Variants in KIF16B observed in about 807,000 individuals in gnomAD.
KIF16B encodes the protein kinesin-like protein KIF16B.
KIF16B carries 98 observed loss-of-function variants against 156.3 expected under a neutral mutation model. The observed-to-expected ratio is 0.63, with a 90% CI of 0.53 to 0.74. The LOEUF is 0.74. Among genes scored for constraint, KIF16B ranks in the 30% least tolerant of loss-of-function variants. The pLI, the probability that KIF16B is intolerant of heterozygous loss-of-function variation, is 0.00. For missense variants in KIF16B, 1,421 were observed against 1,606.5 expected, an observed-to-expected ratio of 0.88 and a Z score of 1.97; for synonymous variants, 564 against 583.7, an observed-to-expected ratio of 0.97 and a Z score of 0.49.
At chr20:16,525,798 C>G (rs1253804216) in intron 3 of KIF16B, among the ~76,000 whole-genome samples, 1 of 152,134 alleles carries the variant, frequency 6.6e-6, no homozygotes. Context: ...GAAATGCTTT[C>G]TATGTAGAGC....
chr20:16,520,027 A>G (rs1418751474), intron 3 of KIF16B, among the ~76,000 whole-genome samples: 2 of 152,168 alleles, frequency 1.3e-5, no homozygotes, highest in Non-Finnish European at 2.9e-5. Flanking sequence ...CGCAACTCGC[A>G]GACCAGGAGA....
rs1161037967 is a variant in KIF16B at position 16,273,352 on chromosome 20, G to C, written c.3855C>G (p.Ile1285Met). 1.2e-6 allele frequency: 2 copies of C among 1,613,560 alleles called. No individual in the cohort carries two copies. Among genetic ancestry groups the C allele is most frequent in the Non-Finnish European group, 1.7e-6 (2 of 1,179,474 alleles). The change falls in exon 26 of 26, where the codon ATC becomes ATG. Residue 1285 changes from isoleucine (I) to methionine (M), a missense_variant. Physicochemically the swap from Ile to Met is conservative, Grantham distance 10 (BLOSUM62 1). Coordinates refer to ENST00000354981, the MANE Select transcript of KIF16B (RefSeq NM_024704.5). ...MLQSATSPLH[I>M]NKVGLTLSKH... The stretch of plus-strand genomic sequence containing the variant: ...TCGAGAGAGTCAGTCCCACTTTGTT[G>C]ATGTGGAGGGGAGATGTTGCGGACT...
At chr20:16,344,414 T>C (rs2064194039) in intron 23 of KIF16B, among the ~76,000 whole-genome samples, 1 of 152,214 alleles carries the variant, frequency 6.6e-6, no homozygotes, top group African/African-American at 2.4e-5. Context: ...TCTGTGGGCA[T>C]GCACACCCCA....
At position 16,510,522 on chromosome 20, in the gene KIF16B, C is replaced by T. The variant is rs577142642; in HGVS notation, c.556+896G>A. On this transcript the variant is annotated intron_variant, in intron 6 of 25. Coordinates refer to ENST00000354981, the MANE Select transcript of KIF16B (RefSeq NM_024704.5). ...AAAATTAGCCAGGTGTGGTGGCAGGCGCCTGTAATCCCTGCTACTGGGGAG... is the reference window on the plus strand; with the variant it reads ...AAAATTAGCCAGGTGTGGTGGCAGGTGCCTGTAATCCCTGCTACTGGGGAG... Among the ~76,000 whole-genome samples the T allele has an allele frequency of 8.5e-5, 13 of 152,146 alleles. No homozygotes were observed. The South Asian group carries it at 1.5e-3, about 17-fold the overall frequency.
At chr20:16,293,279 T>A (rs984374215) in intron 25 of KIF16B, among the ~76,000 whole-genome samples, 1 of 152,180 alleles carries the variant, frequency 6.6e-6, no homozygotes, top group Non-Finnish European at 1.5e-5. Flanking sequence ...GAAGGCCCTA[T>A]AAAGGCTGCT....
intron 17 of KIF16B, among the ~76,000 whole-genome samples, chr20:16,394,679 T>C (rs910930530): frequency 6.6e-6 from 1 of 151,480 alleles, no homozygotes; most frequent in Non-Finnish European, 1.5e-5. Flanking sequence ...ACCAGCAACA[T>C]AAATACTGCC....
chr20:16,463,280 C>T (rs1286738019), intron 12 of KIF16B, among the ~76,000 whole-genome samples: 1 of 152,164 alleles, frequency 6.6e-6, no homozygotes, highest in Admixed American at 6.5e-5. Context: ...CAATGAACCT[C>T]AGGTATTTCC....
In KIF16B at chr20:16,504,370, A is replaced by G. The variant is rs749346335; in HGVS notation, c.1176+2T>C. 3.2e-5 allele frequency: 52 copies of G among 1,613,392 alleles called. No individual in the cohort carries two copies. Among genetic ancestry groups the G allele is most frequent in the Admixed American group, 1.5e-4 (9 of 59,944 alleles). Reference sequence around the variant, plus strand: ...TATCCATAAATCTCAGAAAAACCCAACCTGATTCCCTTGAGCAAGCAGCGT... The same window carrying G: ...TATCCATAAATCTCAGAAAAACCCAGCCTGATTCCCTTGAGCAAGCAGCGT... On this transcript the variant is annotated splice_donor_variant, in intron 10 of 25. Coordinates refer to ENST00000354981, the MANE Select transcript of KIF16B (RefSeq NM_024704.5). LOFTEE classifies it high-confidence loss of function.
chr20:16,540,385 T>C lies in KIF16B; in HGVS notation c.48-11945A>G, dbSNP rs553330545. 5.3e-5 allele frequency among the ~76,000 whole-genome samples: 8 copies of C among 152,320 alleles called. No individual in the cohort carries two copies. The East Asian group carries it at 1.5e-3, about 29-fold the overall frequency. On this transcript the variant is annotated intron_variant, in intron 1 of 25. Transcript: ENST00000354981. ...CATTTTAGCAAGATTTGATATTCCT[T>C]CTACAGTTAAAATAAATTTAGTTAA...
intron 3 of KIF16B, among the ~76,000 whole-genome samples, chr20:16,517,095 C>T (rs1027760961): frequency 1.1e-4 from 16 of 152,306 alleles, no homozygotes; most frequent in African/African-American, 3.8e-4. Context: ...TCCATCTCAG[C>T]TGCACCTCAA....
At chr20:16,524,569 C>A (rs1421031928) in intron 3 of KIF16B, among the ~76,000 whole-genome samples, 1 of 152,160 alleles carries the variant, frequency 6.6e-6, no homozygotes, top group African/African-American at 2.4e-5. Context: ...CGCTTTTACA[C>A]TGTTAGTGGG....
chr20:16,290,187 T>C (rs2063293245), intron 25 of KIF16B, among the ~76,000 whole-genome samples: 1 of 152,228 alleles, frequency 6.6e-6, no homozygotes, highest in African/African-American at 2.4e-5. Context: ...TGCTGTGTGG[T>C]ACCTCTTGGC....
chr20:16,548,340 AG>A (rs1232677096), intron 1 of KIF16B, among the ~76,000 whole-genome samples: 5 of 151,924 alleles, frequency 3.3e-5, no homozygotes, highest in Admixed American at 3.3e-4. Flanking sequence ...CAGCACTACC[AG>A]CCCAGGCTGC....
At chr20:16,385,436 A>G (rs2065206810) in intron 17 of KIF16B, among the ~76,000 whole-genome samples, 1 of 152,156 alleles carries the variant, frequency 6.6e-6, no homozygotes, top group Non-Finnish European at 1.5e-5. Context: ...GGCAGAACAT[A>G]ACTACAAAGA....
chr20:16,403,206 A>G (rs570691702), intron 17 of KIF16B, among the ~76,000 whole-genome samples: 5 of 152,380 alleles, frequency 3.3e-5, no homozygotes, highest in Admixed American at 2.6e-4. Context: ...AGCACTCTTC[A>G]TATCACAGAC....
intron 24 of KIF16B, among the ~76,000 whole-genome samples, chr20:16,329,633 C>T (rs567326812): frequency 6.6e-6 from 1 of 152,204 alleles, no homozygotes; most frequent in South Asian, 2.1e-4. Context: ...AACTGGAAAA[C>T]ACAGGTTTAA....
At chr20:16,498,187 A>C (rs1056125909) in intron 10 of KIF16B, among the ~76,000 whole-genome samples, 17 of 152,110 alleles carry the variant, frequency 1.1e-4, no homozygotes. Flanking sequence ...AAGAAGTGTA[A>C]AGATTGATGT....
At chr20:16,506,492 A>C (rs1175214135) in intron 7 of KIF16B, among the ~76,000 whole-genome samples, 2 of 152,196 alleles carry the variant, frequency 1.3e-5, no homozygotes, top group Non-Finnish European at 2.9e-5. Flanking sequence ...TCAGCAGAGA[A>C]ATGTAAGTAA....
rs566856296 is a variant in KIF16B at position 16,401,369 on chromosome 20, T to C, written c.1784+3444A>G. 5.4e-4 allele frequency among the ~76,000 whole-genome samples: 82 copies of C among 152,244 alleles called. 1 individual carries two copies. The highest frequency in any genetic ancestry group is 1.9e-3 in the African/African-American group (78 of 41,562). On this transcript the variant is annotated intron_variant, in intron 17 of 25. Transcript: ENST00000354981. ...TGAGATTATTCAAGTAACTGCAGCA[T>C]CCCCTGGGACTTGCAGTATCCCCTG...
Sources: allele counts gnomAD v4.1 joint callset (sites outside exome capture counted in the v4.1 genomes callset), GRCh38; gene constraint gnomAD v4.1.1; transcripts MANE v1.5; gene names NCBI Gene and HGNC (gene_info 2026-07-23, HGNC 2026-07-21).